SIAH3: variants seen among roughly 807,000 people sequenced by gnomAD.
SIAH3 encodes the protein siah E3 ubiquitin protein ligase family member 3, also known as seven in absentia homolog 3.
A neutral mutation model predicts 12.6 loss-of-function variants in SIAH3; 9 were observed. The ratio of observed to expected loss-of-function variants is 0.72; its 90% CI spans 0.43 to 1.25. The LOEUF (loss-of-function observed/expected upper bound fraction) is 1.25. Among genes scored for constraint, SIAH3 ranks in the 50% most tolerant of loss-of-function variants. The probability of loss-of-function intolerance (pLI) is 0.00; values close to 1 mark genes in which losing one functional copy is unlikely to be tolerated. For synonymous variants in SIAH3, 154 were observed against 151.1 expected (o/e 1.02, Z -0.14); for missense variants, 390 against 365.4 (o/e 1.07, Z -0.55).
In SIAH3 at chr13:45,796,581, G is replaced by A. The variant is rs186805540; in HGVS notation, c.136-12524C>T. 2.4e-4 allele frequency among the ~76,000 whole-genome samples: 37 copies of A among 152,334 alleles called. No homozygotes were observed. In the East Asian group the frequency reaches 6.8e-3, roughly 28 times the overall value. ...CAGGGCCTAGAAACACAGTAGATAAGTTGCTGAAGGTGTTCACACCATGCC... is the reference window on the plus strand; with the variant it reads ...CAGGGCCTAGAAACACAGTAGATAAATTGCTGAAGGTGTTCACACCATGCC... On this transcript the variant is annotated intron_variant, in intron 1 of 1. Transcript: ENST00000400405.
chr13:45,809,779 G>C (rs1950610411), intron 1 of SIAH3, among the ~76,000 whole-genome samples: 1 of 152,122 alleles, frequency 6.6e-6, no homozygotes. Flanking sequence ...GGAATTACAG[G>C]CAGTTTTTTT....
chr13:45,845,883 A>T (rs1950757911), intron 1 of SIAH3, among the ~76,000 whole-genome samples: 1 of 151,870 alleles, frequency 6.6e-6, no homozygotes. Flanking sequence ...GCTGTGGTAA[A>T]GGGGAGATGG....
chr13:45,847,932 C>T (rs746551759), intron 1 of SIAH3, among the ~76,000 whole-genome samples: 16 of 152,096 alleles, frequency 1.1e-4, no homozygotes, highest in African/African-American at 3.6e-4. Flanking sequence ...AGGGACTGAC[C>T]GCTCCTCCCC....
At chr13:45,823,598 T>A (rs1359345177) in intron 1 of SIAH3, among the ~76,000 whole-genome samples, 3 of 152,206 alleles carry the variant, frequency 2.0e-5, no homozygotes, top group African/African-American at 7.2e-5. Flanking sequence ...GAGAACTCCA[T>A]CTATTCTGTG....
chr13:45,833,618 A>C (rs943316265), intron 1 of SIAH3, among the ~76,000 whole-genome samples: 5 of 152,246 alleles, frequency 3.3e-5, no homozygotes, highest in African/African-American at 1.2e-4. Context: ...TAAAGATTGC[A>C]GAGCACCTTG....
At position 45,783,499 on chromosome 13, in the gene SIAH3, C is replaced by A; in HGVS notation, c.694G>T (p.Gly232Trp). ...GAGGTGTTGAGGACGAGGCAGTCCCCGTCCGTAATCACCGAGTCCACGCAC... is the reference window on the plus strand; with the variant it reads ...GAGGTGTTGAGGACGAGGCAGTCCCAGTCCGTAATCACCGAGTCCACGCAC... Reference protein sequence around the residue: ...LECVDSVITDGDCLVLNTSLA... With the variant: ...LECVDSVITDWDCLVLNTSLA... The change falls in exon 2 of 2, where the codon GGG (glycine) becomes TGG (tryptophan). Residue 232 changes from glycine to tryptophan, a missense_variant. Physicochemically the swap from Gly to Trp is radical, Grantham distance 184. Transcript: ENST00000400405. 1 of 1,614,132 alleles carries A rather than the reference C, an allele frequency of 6.2e-7. No individual in the cohort carries two copies. The highest frequency in any genetic ancestry group is 8.5e-7 in the Non-Finnish European group (1 of 1,180,042).
chr13:45,797,563 C>T (rs902139706), intron 1 of SIAH3, among the ~76,000 whole-genome samples: 1 of 152,152 alleles, frequency 6.6e-6, no homozygotes, highest in African/African-American at 2.4e-5. Context: ...CATGAGTCTG[C>T]GGAGAGAGGG....
intron 1 of SIAH3, among the ~76,000 whole-genome samples, chr13:45,805,262 A>C (rs1696113143): frequency 6.6e-6 from 1 of 152,080 alleles, no homozygotes; most frequent in Non-Finnish European, 1.5e-5. Flanking sequence ...AAAGAGTGCG[A>C]ATAGCCAAAG....
chr13:45,789,718 A>G (rs762616584), intron 1 of SIAH3, among the ~76,000 whole-genome samples: 1 of 152,110 alleles, frequency 6.6e-6, no homozygotes, highest in Non-Finnish European at 1.5e-5. Flanking sequence ...AAACATATGT[A>G]TTTTTAAACT....
intron 1 of SIAH3, among the ~76,000 whole-genome samples, chr13:45,793,967 T>C (rs1054628126): frequency 1.3e-5 from 2 of 152,186 alleles, no homozygotes; most frequent in African/African-American, 2.4e-5. Flanking sequence ...GAGAAGGCCA[T>C]GTGAAGATGG....
At chr13:45,838,459 T>A (rs2137581337) in intron 1 of SIAH3, among the ~76,000 whole-genome samples, 1 of 152,266 alleles carries the variant, frequency 6.6e-6, no homozygotes, top group South Asian at 2.1e-4. Context: ...GATGTGCTCA[T>A]CAGCCCTCCT....
At chr13:45,800,816 T>G (rs1296886713) in intron 1 of SIAH3, among the ~76,000 whole-genome samples, 1 of 152,216 alleles carries the variant, frequency 6.6e-6, no homozygotes, top group Non-Finnish European at 1.5e-5. Context: ...CCTCGTTTGT[T>G]GTTTTAACAC....
rs1187578156 is a variant in SIAH3 at position 45,783,619 on chromosome 13, T to A, written c.574A>T (p.Thr192Ser). The A allele has an allele frequency of 1.9e-6, 3 of 1,613,702 alleles. No homozygotes were observed. The Admixed American group carries it at 5.0e-5, about 27-fold the overall frequency. The change falls in exon 2 of 2, where the codon ACC becomes TCC. Residue 192 changes from threonine to serine, a missense_variant. Coordinates refer to ENST00000400405, the MANE Select transcript of SIAH3 (RefSeq NM_198849.3). The part of the protein sequence containing the change: ...QFFATMMLIG[T>S]PTQADCFTYR... Reference sequence around the variant, plus strand: ...GTGAAGCAGTCGGCCTGGGTGGGGGTCCCAATCAGCATCATGGTGGCAAAG... The same window carrying A: ...GTGAAGCAGTCGGCCTGGGTGGGGGACCCAATCAGCATCATGGTGGCAAAG...
At chr13:45,785,581 C>CACACGCTCATGACACATACAT (rs1173189270) in intron 1 of SIAH3, among the ~76,000 whole-genome samples, 14 of 152,272 alleles carry the variant, frequency 9.2e-5, no homozygotes, top group African/African-American at 2.4e-5. Flanking sequence ...CATGCATACA[C>CACACGCTCATGACACATACAT]ACACGCTCAT....
At chr13:45,848,773 T>G (rs962776958) in intron 1 of SIAH3, among the ~76,000 whole-genome samples, 5 of 152,226 alleles carry the variant, frequency 3.3e-5, no homozygotes, top group Non-Finnish European at 5.9e-5. Context: ...AAAGCAAGGT[T>G]GCAGTCTCTC....
intron 1 of SIAH3, among the ~76,000 whole-genome samples, chr13:45,792,762 C>T (rs937612672): frequency 7.9e-5 from 12 of 152,298 alleles, no homozygotes; most frequent in African/African-American, 2.4e-4. Context: ...TGGACCACCA[C>T]GTGTACTTTT....
chr13:45,825,467 A>G (rs1270272926), intron 1 of SIAH3, among the ~76,000 whole-genome samples: 2 of 152,224 alleles, frequency 1.3e-5, no homozygotes, highest in Non-Finnish European at 2.9e-5. Flanking sequence ...CCCCCAAGCC[A>G]GGAGCGCAGC....
chr13:45,779,090 C>T lies in SIAH3; in HGVS notation c.*4293G>A, dbSNP rs1323396113. Reference sequence around the variant, plus strand: ...CACCATGGCTAATTTCAAGCAATCACCATGACGTCACTAAATGTGGAGCTG... The same window carrying T: ...CACCATGGCTAATTTCAAGCAATCATCATGACGTCACTAAATGTGGAGCTG... On this transcript the variant is annotated 3_prime_UTR_variant, in exon 2 of 2. Coordinates refer to ENST00000400405, the MANE Select transcript of SIAH3 (RefSeq NM_198849.3). The T allele has an allele frequency of 1.3e-5, 2 of 152,138 alleles. No homozygotes were observed. The highest frequency in any genetic ancestry group is 2.9e-5 in the Non-Finnish European group (2 of 68,018). 9.4% of individuals were successfully genotyped at this position (152,138 alleles called of 1,614,324 possible). A position where few individuals can be genotyped will look rare whatever the true frequency, so the allele number is the denominator to read the frequency against.
chr13:45,819,498 A>T (rs1950647440), intron 1 of SIAH3, among the ~76,000 whole-genome samples: 1 of 152,118 alleles, frequency 6.6e-6, no homozygotes, highest in South Asian at 2.1e-4. Context: ...AGAAACCAAT[A>T]ACTGCAAATT....
Sources: allele counts gnomAD v4.1 joint callset (sites outside exome capture counted in the v4.1 genomes callset), GRCh38; gene constraint gnomAD v4.1.1; transcripts MANE v1.5; gene names NCBI Gene and HGNC (gene_info 2026-07-23, HGNC 2026-07-21).